Variants in PNOC observed in about 807,000 individuals in gnomAD.
PNOC encodes the protein prepronociceptin.
PNOC carries 10 observed loss-of-function variants against 15.6 expected under a neutral mutation model. The ratio of observed to expected loss-of-function variants is 0.64; its 90% confidence interval spans 0.40 to 1.09. PNOC has a LOEUF of 1.09. Among genes scored for constraint, PNOC ranks in the 50% least tolerant of loss-of-function variants. The pLI is 0.01. For synonymous variants in PNOC, 98 were observed against 88.5 expected (o/e 1.11, Z -0.60); for missense variants, 220 against 223.9 (o/e 0.98, Z 0.11).
rs115678936 is a variant in PNOC, at chr8:28,324,904, G to T, written c.-23-4231G>T. ...TGTTAGAGTGAATGCTGCATGCCAG[G>T]TTCTTTCCTTCTTTTCCTTTCGTAT... On this transcript the variant is annotated intron_variant, in intron 1 of 3. Transcript: ENST00000301908. Among the ~76,000 whole-genome samples, 933 of 152,208 alleles carry T rather than the reference G, an allele frequency of 6.1e-3. 7 individuals carry two copies. Among genetic ancestry groups the T allele is most frequent in the African/African-American group, 0.021 (884 of 41,542 alleles).
intron 1 of PNOC, among the ~76,000 whole-genome samples, chr8:28,327,974 C>A (rs537571053): frequency 6.6e-6 from 1 of 151,160 alleles, no homozygotes; most frequent in Admixed American, 6.6e-5. Flanking sequence ...CTCTCTGGGG[C>A]CTCTTTTATA....
intron 2 of PNOC, chr8:28,338,501 G>T (rs1230436684): frequency 5.8e-6 from 4 of 694,880 alleles, no homozygotes; most frequent in African/African-American, 1.9e-5. Context: ...TACACAGATA[G>T]TGACGACTGC....
chr8:28,332,927 G>A (rs1324376557), intron 2 of PNOC, among the ~76,000 whole-genome samples: 1 of 152,168 alleles, frequency 6.6e-6, no homozygotes, highest in Non-Finnish European at 1.5e-5. Flanking sequence ...CTCCAGCCTG[G>A]GGGACAAAGT....
intron 1 of PNOC, among the ~76,000 whole-genome samples, chr8:28,323,882 A>G (rs181634665): frequency 1.6e-4 from 25 of 152,346 alleles, no homozygotes; most frequent in Admixed American, 2.6e-4. Context: ...ACTGACATTA[A>G]TCTCATTTTA....
At chr8:28,334,134 C>T (rs1801374231) in intron 2 of PNOC, among the ~76,000 whole-genome samples, 1 of 152,010 alleles carries the variant, frequency 6.6e-6, no homozygotes, top group African/African-American at 2.4e-5. Flanking sequence ...CCAAATGGCC[C>T]CTTAGTGGGC....
chr8:28,338,740 G>A (rs551807539), intron 2 of PNOC: 326 of 1,098,424 alleles, frequency 3.0e-4, no homozygotes, highest in Non-Finnish European at 3.5e-4. Flanking sequence ...GGTGTTGGGC[G>A]CATTTATCCT....
intron 2 of PNOC, among the ~76,000 whole-genome samples, chr8:28,330,545 C>A (rs1801314592): frequency 6.8e-6 from 1 of 147,098 alleles, no homozygotes; most frequent in African/African-American, 2.5e-5. Flanking sequence ...AGGTGCCCAC[C>A]ACCACACCCG....
At position 28,343,016 on chromosome 8, in the gene PNOC, C is replaced by G; in HGVS notation, c.*122C>G. 1.0e-6 allele frequency: 1 copy of G among 985,330 alleles called. No homozygotes were observed. 61.0% of individuals were successfully genotyped at this position (985,330 alleles called of 1,614,324 possible). A position where few individuals can be genotyped will look rare whatever the true frequency, so the allele number is the denominator to read the frequency against. On this transcript the variant is annotated 3_prime_UTR_variant, in exon 4 of 4. Coordinates refer to ENST00000301908, the MANE Select transcript of PNOC (RefSeq NM_006228.5). ...CCTGGGAATCAGGATTCCTTCTTCCCCAAGGCACTGAGCGCCTGCAGATCC... is the reference window on the plus strand; with the variant it reads ...CCTGGGAATCAGGATTCCTTCTTCCGCAAGGCACTGAGCGCCTGCAGATCC...
In PNOC at chr8:28,339,418, A is replaced by G. The variant is rs765943638; in HGVS notation, c.505A>G (p.Thr169Ala). The G allele has an allele frequency of 1.9e-6, 3 of 1,544,012 alleles. No homozygotes were observed. The highest frequency in any genetic ancestry group is 1.2e-5 in the South Asian group (1 of 81,262). Residue 169 changes from threonine (T) to alanine (A), a missense_variant, in exon 3 of 4, where the codon ACC (threonine) becomes GCC (alanine). By Grantham distance (58) the Thr-to-Ala change is moderately conservative (BLOSUM62 0). Transcript: ENST00000301908. ...CATGCAGTCCAGCCAGCGCCGGCGC[A>G]CCCTGCACCAGAATGGTAATGTGTA... ...LSMQSSQRRR[T>A]LHQNGNV
At chr8:28,318,714 T>C (rs780311686) in intron 1 of PNOC, among the ~76,000 whole-genome samples, 4 of 152,106 alleles carry the variant, frequency 2.6e-5, no homozygotes, top group Non-Finnish European at 5.9e-5. Flanking sequence ...TCCCCAACCA[T>C]CACCACCTCT....
intron 1 of PNOC, among the ~76,000 whole-genome samples, chr8:28,320,273 C>T (rs984320674): frequency 6.6e-6 from 1 of 151,692 alleles, no homozygotes; most frequent in Non-Finnish European, 1.5e-5. Context: ...TCTTTCCACA[C>T]TGGCCTGCAA....
chr8:28,325,288 C>CT (rs34105763), intron 1 of PNOC, among the ~76,000 whole-genome samples: 49,566 of 151,882 alleles, frequency 0.33, 9,954 homozygotes, highest in Non-Finnish European at 0.46. Context: ...AGGGATGATG[C>CT]TAGAGGTGTG....
In PNOC at chr8:28,337,307, C is replaced by CTT. The variant is rs376669234; in HGVS notation, c.127-1726_127-1725dup. On this transcript the variant is annotated intron_variant, in intron 2 of 3. Coordinates refer to ENST00000301908, the MANE Select transcript of PNOC (RefSeq NM_006228.5). Reference sequence around the variant, plus strand: ...GAAACCCCATCTGATGCCCGATCACCTTTTTTTTCTTTTTAGGCAAAGTCT... The same window carrying CTT: ...GAAACCCCATCTGATGCCCGATCACCTTTTTTTTTTCTTTTTAGGCAAAGTCT... 4.0e-3 allele frequency among the ~76,000 whole-genome samples: 526 copies of CTT among 130,202 alleles called. 2 individuals are homozygous for CTT. The highest frequency in any genetic ancestry group is 0.012 in the African/African-American group (471 of 40,658). 85.4% of individuals were successfully genotyped at this position (130,202 alleles called of 152,430 possible). A position where few individuals can be genotyped will look rare whatever the true frequency, so the allele number is the denominator to read the frequency against.
intron 1 of PNOC, among the ~76,000 whole-genome samples, chr8:28,324,955 T>C (rs1285235711): frequency 6.6e-6 from 1 of 152,238 alleles, no homozygotes; most frequent in East Asian, 1.9e-4. Flanking sequence ...GTCAGTTCTA[T>C]TTTAATTGCT....
intron 3 of PNOC, among the ~76,000 whole-genome samples, chr8:28,340,752 G>A (rs1281313967): frequency 6.6e-6 from 1 of 152,206 alleles, no homozygotes; most frequent in African/African-American, 2.4e-5. Context: ...CAGAAGGCAA[G>A]GGGAGCTGGC....
At position 28,330,405 on chromosome 8, in the gene PNOC, T is replaced by A. The variant is rs1344094480; in HGVS notation, c.126+1122T>A. ...TATTTTATTTTATTTTATTTTTTTT[T>A]TTTTTTTGAGACGGAGTCTTGCTCT... On this transcript the variant is annotated intron_variant, in intron 2 of 3. Transcript: ENST00000301908. Among the ~76,000 whole-genome samples the A allele has an allele frequency of 8.2e-4, 110 of 134,742 alleles. 1 individual carries two copies. The highest frequency in any genetic ancestry group is 2.8e-3 in the African/African-American group (106 of 37,312). The allele number at this position is 134,742 out of a possible 152,430, so 88.4% of individuals were successfully genotyped here. A position where few individuals can be genotyped will look rare whatever the true frequency, so the allele number is the denominator to read the frequency against.
intron 2 of PNOC, 128 bp downstream of exon 2, chr8:28,329,411 A>G (rs1801285496): frequency 9.6e-7 from 1 of 1,036,390 alleles, no homozygotes; most frequent in East Asian, 2.5e-5. Flanking sequence ...GCTCAGCATT[A>G]CATGGCCCAT....
At chr8:28,327,000 T>A (rs1425170407) in intron 1 of PNOC, among the ~76,000 whole-genome samples, 1 of 152,210 alleles carries the variant, frequency 6.6e-6, no homozygotes, top group Non-Finnish European at 1.5e-5. Context: ...AGTTCCTCAA[T>A]ATCATCTGAA....
At chr8:28,335,517 G>A (rs1801397096) in intron 2 of PNOC, among the ~76,000 whole-genome samples, 1 of 152,082 alleles carries the variant, frequency 6.6e-6, no homozygotes, top group Non-Finnish European at 1.5e-5. Flanking sequence ...ATTTAGTTGA[G>A]TCTTGAAATT....
Sources: gnomAD v4.1 joint callset for allele counts (sites outside exome capture counted in the v4.1 genomes callset) on GRCh38, gnomAD v4.1.1 for gene constraint, MANE v1.5 for transcripts, NCBI Gene and HGNC (gene_info 2026-07-23, HGNC 2026-07-21) for gene names.